The following SI variants were observed in gnomAD, a reference collection of about 807,000 sequenced individuals.
SI encodes the protein sucrase-isomaltase.
Under a neutral mutation model 253.3 loss-of-function variants are expected in SI, and 235 were observed. The ratio of observed to expected loss-of-function variants is 0.93; its 90% CI spans 0.83 to 1.03. SI has a LOEUF of 1.03. Among genes scored for constraint, SI ranks in the 50% least tolerant of loss-of-function variants. The pLI, the probability that SI is intolerant of heterozygous loss-of-function variation, is 0.00. For missense variants in SI, 2,442 were observed against 2,211.1 expected (o/e 1.10, Z -2.09); for synonymous variants, 819 against 712.0 (o/e 1.15, Z -2.39).
At chr3:165,032,416 A>C (rs1712297691) in intron 24 of SI, 106 bp downstream of exon 24, 1 of 697,062 alleles carries the variant, frequency 1.4e-6, no homozygotes, top group Admixed American at 2.7e-5. Context: ...GAAGGGAAGA[A>C]AGGAATACAC....
chr3:164,991,341 C>T lies in SI; in HGVS notation c.5108+12G>A, dbSNP rs1211952744. The stretch of plus-strand genomic sequence containing the variant: ...CAAAATTTAACCTGAGCTTTGTAAA[C>T]AGTTCACTTACCTGTAAAATGTGTT... On this transcript the variant is annotated intron_variant, in intron 44 of 47. Transcript: ENST00000264382. 6 of 1,613,620 alleles carry T rather than the reference C, an allele frequency of 3.7e-6. No homozygotes were observed. In the East Asian group the frequency reaches 1.1e-4, roughly 30 times the overall value.
chr3:165,041,929 T>C (rs1411962374), intron 17 of SI, among the ~76,000 whole-genome samples: 1 of 151,984 alleles, frequency 6.6e-6, no homozygotes, highest in Non-Finnish European at 1.5e-5. Flanking sequence ...GTGGTCAACT[T>C]TCCCTGAAGG....
intron 34 of SI, among the ~76,000 whole-genome samples, chr3:165,012,103 A>G (rs1213597585): frequency 1.3e-5 from 2 of 152,096 alleles, no homozygotes; most frequent in African/African-American, 4.8e-5. Flanking sequence ...TCATGAGTGA[A>G]TGTTTAGGAT....
intron 34 of SI, among the ~76,000 whole-genome samples, chr3:165,012,678 C>T (rs369695067): frequency 3.2e-4 from 48 of 152,198 alleles, no homozygotes; most frequent in African/African-American, 1.1e-3. Flanking sequence ...GATCCACCCA[C>T]CTTGGCCTCC....
At chr3:165,071,609 A>G (rs894634464) in intron 3 of SI, among the ~76,000 whole-genome samples, 1 of 151,994 alleles carries the variant, frequency 6.6e-6, no homozygotes, top group Non-Finnish European at 1.5e-5. Flanking sequence ...CTAACCCCCA[A>G]TGTGAAGGTA....
At chr3:165,009,474 A>G in intron 34 of SI, 79 bp from the exon 35 acceptor site, 1 of 802,576 alleles carries the variant, frequency 1.2e-6, no homozygotes, top group Admixed American at 1.8e-5. Context: ...TGTATTTGAC[A>G]GATCCACAAG....
At chr3:165,088,100 C>T in the SI span, among the ~76,000 whole-genome samples, 1 of 152,120 alleles carries the variant, frequency 6.6e-6, no homozygotes, top group African/African-American at 2.4e-5. Flanking sequence ...AATCCCAGCA[C>T]TTTGGGAGGC....
At chr3:165,047,904 CCTAA>C (rs983673854) in intron 15 of SI, among the ~76,000 whole-genome samples, 5 of 151,784 alleles carry the variant, frequency 3.3e-5, no homozygotes, top group African/African-American at 7.3e-5. Context: ...ACTCACGTTA[CCTAA>C]CTATTATTGA....
intron 37 of SI, among the ~76,000 whole-genome samples, chr3:165,005,609 T>C (rs116491921): frequency 1.3e-5 from 2 of 152,220 alleles, no homozygotes; most frequent in Non-Finnish European, 2.9e-5. Flanking sequence ...TATTATTTCA[T>C]ATTTAATTAT....
intron 26 of SI, among the ~76,000 whole-genome samples, chr3:165,021,993 T>C (rs1043050197): frequency 1.1e-4 from 16 of 151,600 alleles, no homozygotes; most frequent in African/African-American, 3.9e-4. Flanking sequence ...ACTTATGAGG[T>C]TTCATCTTTT....
chr3:165,083,153 T>C (rs1436007406), upstream of SI, among the ~76,000 whole-genome samples: 1 of 151,938 alleles, frequency 6.6e-6, no homozygotes, highest in Non-Finnish European at 1.5e-5. Context: ...TAACAGCTAA[T>C]TTTTCATTTT....
chr3:165,077,112 T>C (rs1715047057), intron 1 of SI, among the ~76,000 whole-genome samples: 1 of 151,426 alleles, frequency 6.6e-6, no homozygotes, highest in African/African-American at 2.4e-5. Context: ...ATTCAATAAG[T>C]CCATCTGACT....
At chr3:165,061,198 A>G (rs546630778) in intron 9 of SI, among the ~76,000 whole-genome samples, 1 of 152,038 alleles carries the variant, frequency 6.6e-6, no homozygotes, top group African/African-American at 2.4e-5. Context: ...AAGAATCAAC[A>G]TATATGTAAC....
rs900627323 is a variant in SI at position 164,986,863 on chromosome 3, G to A, written c.5197+275C>T. 7.9e-5 allele frequency among the ~76,000 whole-genome samples: 12 copies of A among 152,122 alleles called. 1 individual carries two copies. The highest frequency in any genetic ancestry group is 2.7e-4 in the African/African-American group (11 of 41,406). On this transcript the variant is annotated intron_variant, in intron 45 of 47. Coordinates refer to ENST00000264382, the MANE Select transcript of SI (RefSeq NM_001041.4). ...AATAGCACTGTGCTAGCTTCTGAAA[G>A]TACAAAGATAATAGATACATAATTC...
chr3:164,992,412 C>T lies in SI; in HGVS notation c.4842-15G>A, dbSNP rs1164354878. On this transcript the variant is annotated splice_polypyrimidine_tract_variant and intron_variant, in intron 41 of 47. Coordinates refer to ENST00000264382, the MANE Select transcript of SI (RefSeq NM_001041.4). ...CATCAAAGAACCTCGACAAAATTAT[C>T]ACAAATAATTAAATTAAAACAAATA... 2.6e-6 allele frequency: 4 copies of T among 1,525,778 alleles called. No homozygotes were observed. The East Asian group carries it at 9.0e-5, about 34-fold the overall frequency. 94.5% of individuals were successfully genotyped at this position (1,525,778 alleles called of 1,614,324 possible).
Position 165,027,188 on chromosome 3 carries a change from G to A in SI, c.2893-3412C>T, listed in dbSNP as rs1024393583. On this transcript the variant is annotated intron_variant, in intron 25 of 47. Coordinates refer to ENST00000264382, the MANE Select transcript of SI (RefSeq NM_001041.4). ...ATCATTCAAGGCTACTATGAACACCGTTACACACATAAATTAGATGACCTA... is the reference window on the plus strand; with the variant it reads ...ATCATTCAAGGCTACTATGAACACCATTACACACATAAATTAGATGACCTA... 2.2e-4 allele frequency among the ~76,000 whole-genome samples: 33 copies of A among 150,862 alleles called. 1 individual carries two copies. Among genetic ancestry groups the A allele is most frequent in the Non-Finnish European group, 2.4e-4 (16 of 67,246 alleles).
chr3:164,995,839 T>C (rs548494215), intron 40 of SI, among the ~76,000 whole-genome samples: 1 of 151,902 alleles, frequency 6.6e-6, no homozygotes, highest in South Asian at 2.1e-4. Context: ...ATTATTTATA[T>C]CCCTTTTTAG....
At chr3:164,999,652 C>T (rs1718172306) in intron 37 of SI, among the ~76,000 whole-genome samples, 1 of 151,586 alleles carries the variant, frequency 6.6e-6, no homozygotes, top group African/African-American at 2.4e-5. Flanking sequence ...ATATAAAGCT[C>T]CTTCCATGAC....
intron 3 of SI, among the ~76,000 whole-genome samples, chr3:165,072,651 G>A (rs943998842): frequency 6.6e-6 from 1 of 151,994 alleles, no homozygotes; most frequent in Admixed American, 6.6e-5. Context: ...TTAAAGAACA[G>A]TGACTACTGA....
Sources: allele counts gnomAD v4.1 joint callset (sites outside exome capture counted in the v4.1 genomes callset), GRCh38; gene constraint gnomAD v4.1.1; transcripts MANE v1.5; gene names NCBI Gene and HGNC (gene_info 2026-07-23, HGNC 2026-07-21).